The following DOCK5 variants were observed in gnomAD, a reference collection of about 807,000 sequenced individuals.
DOCK5 encodes dedicator of cytokinesis protein 5.
A neutral mutation model predicts 251.8 loss-of-function variants in DOCK5; 142 were observed. The ratio of observed to expected loss-of-function variants is 0.56; its 90% CI spans 0.49 to 0.65. DOCK5 has a LOEUF of 0.65. Ranked by LOEUF, DOCK5 falls within the 30% of genes least tolerant of loss-of-function variation. The pLI is 0.00. For synonymous variants in DOCK5, 842 were observed against 835.5 expected, an observed-to-expected ratio of 1.01 and a Z score of -0.13; for missense variants, 2,111 against 2,312.3, an observed-to-expected ratio of 0.91 and a Z score of 1.79.
intron 25 of DOCK5, among the ~76,000 whole-genome samples, chr8:25,342,784 G>A (rs7838954): frequency 4.5e-4 from 60 of 132,362 alleles, no homozygotes; most frequent in South Asian, 2.1e-3. Flanking sequence ...CTGCAACCTC[G>A]GCCTCCCAGG....
At position 25,197,664 on chromosome 8, in the gene DOCK5, A is replaced by G. The variant is rs185177056; in HGVS notation, c.43+12713A>G. On this transcript the variant is annotated intron_variant, in intron 1 of 51. Coordinates refer to ENST00000276440, the MANE Select transcript of DOCK5 (RefSeq NM_024940.8). ...AATGGCGTGATCTCGGCTCATTGCA[A>G]CCTTCGCCTCCTGGGTTCAAGAGAT... 2.0e-3 allele frequency among the ~76,000 whole-genome samples: 276 copies of G among 139,384 alleles called. 1 individual carries two copies. Among genetic ancestry groups the G allele is most frequent in the Non-Finnish European group, 3.3e-3 (220 of 66,306 alleles). 91.4% of individuals were successfully genotyped at this position (139,384 alleles called of 152,430 possible).
chr8:25,319,479 G>A, intron 14 of DOCK5, 99 bp from the exon 15 acceptor site: 1 of 715,350 alleles, frequency 1.4e-6, no homozygotes, highest in East Asian at 2.8e-5. Context: ...GGGCATGTGT[G>A]GACGTGTTTG....
intron 1 of DOCK5, among the ~76,000 whole-genome samples, chr8:25,187,519 C>T (rs1801465485): frequency 6.6e-6 from 1 of 151,770 alleles, no homozygotes; most frequent in African/African-American, 2.4e-5. Context: ...AAAGGACCCA[C>T]AGTTGGGATA....
chr8:25,316,352 G>A (rs1302166957), intron 13 of DOCK5, among the ~76,000 whole-genome samples: 2 of 151,982 alleles, frequency 1.3e-5, no homozygotes, highest in Non-Finnish European at 2.9e-5. Flanking sequence ...GTGGTGATGT[G>A]TGCTTGTAAT....
intron 1 of DOCK5, among the ~76,000 whole-genome samples, chr8:25,240,620 T>C (rs1802916781): frequency 6.6e-6 from 1 of 152,248 alleles, no homozygotes; most frequent in Non-Finnish European, 1.5e-5. Flanking sequence ...TCATTCACGT[T>C]GCAGTATGTG....
At chr8:25,381,865 A>G (rs989227291) in intron 39 of DOCK5, among the ~76,000 whole-genome samples, 3 of 152,122 alleles carry the variant, frequency 2.0e-5, no homozygotes, top group South Asian at 2.1e-4. Context: ...AAAGCCCCTC[A>G]TCTTGTGAAG....
chr8:25,242,300 T>C (rs1044337928), intron 1 of DOCK5, among the ~76,000 whole-genome samples: 3 of 152,188 alleles, frequency 2.0e-5, no homozygotes, highest in Non-Finnish European at 4.4e-5. Context: ...GGTTCTTATG[T>C]AGACACATGG....
chr8:25,343,010 GT>G (rs1401486968), intron 25 of DOCK5, among the ~76,000 whole-genome samples: 1 of 151,370 alleles, frequency 6.6e-6, no homozygotes, highest in Non-Finnish European at 1.5e-5. Context: ...CGGCTTGTTT[GT>G]TTTTTAAGAC....
At chr8:25,248,462 C>G (rs1803175784) in intron 2 of DOCK5, among the ~76,000 whole-genome samples, 1 of 152,062 alleles carries the variant, frequency 6.6e-6, no homozygotes, top group African/African-American at 2.4e-5. Flanking sequence ...TGTATTGTGG[C>G]CCTGGGATTC....
intron 44 of DOCK5, among the ~76,000 whole-genome samples, chr8:25,393,391 T>C (rs1020144042): frequency 6.6e-6 from 1 of 152,240 alleles, no homozygotes; most frequent in Non-Finnish European, 1.5e-5. Context: ...GTTACCTCAC[T>C]GCCTCAGTGG....
intron 1 of DOCK5, among the ~76,000 whole-genome samples, chr8:25,226,470 G>A (rs1030674543): frequency 6.6e-6 from 1 of 151,712 alleles, no homozygotes; most frequent in African/African-American, 2.4e-5. Flanking sequence ...CGCCATGTTG[G>A]CCAGGCTGGT....
chr8:25,249,579 A>G (rs958268613), intron 2 of DOCK5, among the ~76,000 whole-genome samples: 2 of 152,038 alleles, frequency 1.3e-5, no homozygotes, highest in African/African-American at 2.4e-5. Context: ...GGCTGCCTTC[A>G]TTTGGCATCA....
In DOCK5 at chr8:25,390,366, C is replaced by T. The variant is rs1005095630; in HGVS notation, c.4355+79C>T. 20 of 1,291,354 alleles carry T rather than the reference C, an allele frequency of 1.5e-5. No homozygotes were observed. In the African/African-American group the frequency reaches 1.6e-4, roughly 11 times the overall value. The allele number at this position is 1,291,354 out of a possible 1,614,324, so 80.0% of individuals were successfully genotyped here. A position where few individuals can be genotyped will look rare whatever the true frequency, so the allele number is the denominator to read the frequency against. ...TCACATCTATAATCTCAACATTTTC[C>T]GAAGCTGAGGGAGGAGTATTGCTCG... is the stretch of plus-strand genomic sequence containing the variant. On this transcript the variant is annotated intron_variant, in intron 42 of 51. Coordinates refer to ENST00000276440, the MANE Select transcript of DOCK5 (RefSeq NM_024940.8).
intron 5 of DOCK5, among the ~76,000 whole-genome samples, chr8:25,281,738 G>A (rs746613421): frequency 1.3e-5 from 2 of 151,766 alleles, no homozygotes; most frequent in Admixed American, 1.3e-4. Context: ...AATTAGCTGC[G>A]CATGGTTGTG....
At chr8:25,309,873 A>G (rs552805231) in intron 12 of DOCK5, among the ~76,000 whole-genome samples, 1 of 152,234 alleles carries the variant, frequency 6.6e-6, no homozygotes, top group South Asian at 2.1e-4. Context: ...TCAGAGGTTT[A>G]ATAGCTATAC....
At chr8:25,285,490 G>A (rs1057073555) in intron 5 of DOCK5, among the ~76,000 whole-genome samples, 1 of 152,276 alleles carries the variant, frequency 6.6e-6, no homozygotes. Context: ...ACAAAGGACT[G>A]ATCTCCCCTC....
At chr8:25,193,161 C>T (rs1801629212) in intron 1 of DOCK5, among the ~76,000 whole-genome samples, 1 of 152,130 alleles carries the variant, frequency 6.6e-6, no homozygotes, top group Admixed American at 6.6e-5. Context: ...ACCCGTTGCT[C>T]CTAGGGGAGA....
intron 1 of DOCK5, among the ~76,000 whole-genome samples, chr8:25,226,872 A>G (rs1802547894): frequency 6.6e-6 from 1 of 152,214 alleles, no homozygotes; most frequent in Non-Finnish European, 1.5e-5. Context: ...GGCGTGAGCC[A>G]CCGCACCCGG....
chr8:25,349,696 T>C (rs1234204216), intron 26 of DOCK5, among the ~76,000 whole-genome samples: 2 of 152,208 alleles, frequency 1.3e-5, no homozygotes, highest in Non-Finnish European at 2.9e-5. Context: ...TTCTCACTTA[T>C]AAGTGGGAGC....
Sources: allele counts gnomAD v4.1 joint callset (sites outside exome capture counted in the v4.1 genomes callset), GRCh38; gene constraint gnomAD v4.1.1; transcripts MANE v1.5; gene names NCBI Gene and HGNC (gene_info 2026-07-23, HGNC 2026-07-21).